PLA2R1: variants seen among roughly 807,000 people sequenced by gnomAD.
The protein encoded by PLA2R1 is secretory phospholipase A2 receptor.
PLA2R1 carries 158 observed loss-of-function variants against 195.9 expected under a neutral mutation model. The observed-to-expected ratio is 0.81, with a 90% CI of 0.71 to 0.92. The LOEUF (loss-of-function observed/expected upper bound fraction) is 0.92. Ranked by LOEUF, PLA2R1 falls within the 40% of genes least tolerant of loss-of-function variation. The probability of loss-of-function intolerance (pLI) is 0.00; values close to 1 mark genes in which losing one functional copy is unlikely to be tolerated. For synonymous variants in PLA2R1, 586 were observed against 598.2 expected, an observed-to-expected ratio of 0.98 and a Z score of 0.30; for missense variants, 1,626 against 1,764.6, an observed-to-expected ratio of 0.92 and a Z score of 1.41.
At chr2:160,047,248 T>C (rs877199) in intron 1 of PLA2R1, among the ~76,000 whole-genome samples, 1 of 152,126 alleles carries the variant, frequency 6.6e-6, no homozygotes, top group Non-Finnish European at 1.5e-5. Context: ...TGGGAATATG[T>C]ATGGTACTGA....
At chr2:159,982,767 T>A (rs904862970) in intron 13 of PLA2R1, among the ~76,000 whole-genome samples, 1 of 152,146 alleles carries the variant, frequency 6.6e-6, no homozygotes, top group Non-Finnish European at 1.5e-5. Flanking sequence ...CCTGAAAAAA[T>A]AGTACAGGAT....
At chr2:159,931,957 GACCA>G (rs1325806237), downstream of PLA2R1, 1 of 152,102 alleles carries the variant, frequency 6.6e-6, no homozygotes, top group Non-Finnish European at 1.5e-5. Context: ...TTGATTTCCT[GACCA>G]ACTAAGTCAG....
chr2:159,986,211 C>T (rs953469664), intron 12 of PLA2R1, among the ~76,000 whole-genome samples: 1 of 151,942 alleles, frequency 6.6e-6, no homozygotes, highest in Non-Finnish European at 1.5e-5. Flanking sequence ...ACTTTTTGAG[C>T]GGTGACAAGA....
intron 6 of PLA2R1, among the ~76,000 whole-genome samples, chr2:160,026,758 T>C (rs1476888827): frequency 3.3e-5 from 5 of 152,238 alleles, no homozygotes; most frequent in African/African-American, 4.8e-5. Flanking sequence ...ATTAGAATCA[T>C]GGCCAAAGAG....
intron 20 of PLA2R1, among the ~76,000 whole-genome samples, chr2:159,958,362 A>T (rs750187198): frequency 1.3e-5 from 2 of 152,116 alleles, no homozygotes; most frequent in Admixed American, 6.6e-5. Context: ...TGCCGGCACC[A>T]TGCTTCTTGT....
chr2:159,983,976 A>C lies in PLA2R1; in HGVS notation c.2135T>G (p.Ile712Ser). 1 of 1,599,816 alleles carries C rather than the reference A, an allele frequency of 6.3e-7. No homozygotes were observed. Among genetic ancestry groups the C allele is most frequent in the African/African-American group, 1.3e-5 (1 of 74,786 alleles). ...FGAHLASFAH[I>S]EEENFVNELL... ...CTCATTCACAAAATTCTCTTCCTCA[A>C]TATGGGCAAAGCTTGCAAGATGAGC... is the stretch of plus-strand genomic sequence containing the variant. Residue 712 changes from isoleucine (I) to serine (S), a missense_variant, in exon 13 of 30, where the codon ATT becomes AGT. By Grantham distance (142) the Ile-to-Ser change is moderately radical (BLOSUM62 -2). Transcript: ENST00000283243.
rs1252001850 is a variant in PLA2R1 at position 160,062,333 on chromosome 2, G to T, written c.71C>A (p.Ala24Glu). Residue 24 changes from alanine to glutamate, a missense_variant, in exon 1 of 30, where the codon GCG becomes GAG. Transcript: ENST00000283243. ...GAPRGCAEGVAAALTPERLLE... is the reference protein window; with the variant it reads ...GAPRGCAEGVEAALTPERLLE... ...GAGCCGCTCGGGGGTAAGCGCCGCCGCCACACCCTCGGCGCAGCCCCGCGG... is the reference window on the plus strand; with the variant it reads ...GAGCCGCTCGGGGGTAAGCGCCGCCTCCACACCCTCGGCGCAGCCCCGCGG... 3.3e-6 allele frequency: 5 copies of T among 1,527,806 alleles called. No individual in the cohort carries two copies. Among genetic ancestry groups the T allele is most frequent in the Non-Finnish European group, 4.4e-6 (5 of 1,137,822 alleles). The allele number at this position is 1,527,806 out of a possible 1,614,324, so 94.6% of individuals were successfully genotyped here. A position where few individuals can be genotyped will look rare whatever the true frequency, so the allele number is the denominator to read the frequency against.
chr2:160,030,782 C>T (rs1289410052), intron 4 of PLA2R1, among the ~76,000 whole-genome samples: 1 of 152,130 alleles, frequency 6.6e-6, no homozygotes, highest in Non-Finnish European at 1.5e-5. Context: ...TAAAAAATAC[C>T]TTGGTTGGAA....
At chr2:160,005,967 ACC>A in intron 10 of PLA2R1, 146 bp from the exon 11 acceptor site, 1 of 643,648 alleles carries the variant, frequency 1.6e-6, no homozygotes, top group Non-Finnish European at 2.8e-6. Flanking sequence ...ACACCCAAAG[ACC>A]CTGAACATTA....
chr2:159,925,431 C>T, the PLA2R1 span, among the ~76,000 whole-genome samples: 3 of 152,016 alleles, frequency 2.0e-5, no homozygotes, highest in African/African-American at 7.3e-5. Flanking sequence ...CTTCTGAGAA[C>T]ATTGTTTTTA....
At chr2:160,030,051 C>T (rs1573932656) in intron 4 of PLA2R1, among the ~76,000 whole-genome samples, 1 of 152,074 alleles carries the variant, frequency 6.6e-6, no homozygotes, top group Admixed American at 6.5e-5. Flanking sequence ...AATCACAGTC[C>T]CTTTTACTAT....
intron 11 of PLA2R1, among the ~76,000 whole-genome samples, chr2:159,995,927 C>T (rs1326753558): frequency 2.0e-5 from 3 of 152,008 alleles, no homozygotes; most frequent in African/African-American, 4.8e-5. Flanking sequence ...CACCCAAAGT[C>T]CCTCTTATCC....
intron 9 of PLA2R1, 61 bp from the exon 10 acceptor site, chr2:160,013,436 A>T (rs1292405241): frequency 2.1e-6 from 2 of 940,386 alleles, no homozygotes; most frequent in Non-Finnish European, 3.4e-6. Context: ...ACCAAGAGAT[A>T]TTTTTGCATA....
At chr2:160,002,268 T>C (rs1573867297) in intron 11 of PLA2R1, among the ~76,000 whole-genome samples, 1 of 151,986 alleles carries the variant, frequency 6.6e-6, no homozygotes, top group East Asian at 1.9e-4. Flanking sequence ...TATAAAACTC[T>C]ACTAAATCTT....
intron 20 of PLA2R1, among the ~76,000 whole-genome samples, chr2:159,957,248 A>G (rs904488963): frequency 3.9e-5 from 6 of 152,240 alleles, no homozygotes; most frequent in Admixed American, 2.6e-4. Flanking sequence ...AAGGTTGGCC[A>G]TCAATGTTAG....
chr2:159,964,849 A>G (rs1285070015), intron 20 of PLA2R1, among the ~76,000 whole-genome samples: 1 of 152,118 alleles, frequency 6.6e-6, no homozygotes. Flanking sequence ...TGGCATGATG[A>G]AACCCCGTTT....
chr2:159,977,216 TA>T, intron 15 of PLA2R1, 67 bp downstream of exon 15: 1 of 1,228,936 alleles, frequency 8.1e-7, no homozygotes, highest in East Asian at 2.4e-5. Context: ...TTGGGGTGTT[TA>T]AATTGGGAAA....
At position 159,993,580 on chromosome 2, in the gene PLA2R1, T is replaced by A. The variant is rs1012303255; in HGVS notation, c.1835-6222A>T. 7.3e-5 allele frequency among the ~76,000 whole-genome samples: 11 copies of A among 151,666 alleles called. 1 individual carries two copies. The highest frequency in any genetic ancestry group is 4.2e-4 in the South Asian group (2 of 4,806). Reference sequence around the variant, plus strand: ...GATGCTGAAATAATATCATTTCCCATCAGAAGAAACCAGGGTTCCTTGATG... The same window carrying A: ...GATGCTGAAATAATATCATTTCCCAACAGAAGAAACCAGGGTTCCTTGATG... On this transcript the variant is annotated intron_variant, in intron 11 of 29. Transcript: ENST00000283243.
In PLA2R1 at chr2:160,044,866, T is replaced by C. The variant is rs1436582571; in HGVS notation, c.401A>G (p.His134Arg). 1.9e-6 allele frequency: 3 copies of C among 1,614,160 alleles called. No individual in the cohort carries two copies. Among genetic ancestry groups the C allele is most frequent in the South Asian group, 2.2e-5 (2 of 91,092 alleles). ...CCGTGAGGCCACCACTGTGTTGTCA[T>C]GCGCCACCTGGACAGAGTACTGCAG... ...GPLQYSVQVA[H>R]DNTVVASRKY... The change falls in exon 2 of 30, where the codon CAT becomes CGT. Residue 134 changes from histidine to arginine, a missense_variant. By Grantham distance (29) the His-to-Arg change is conservative. Transcript: ENST00000283243.
Sources: allele counts gnomAD v4.1 joint callset (sites outside exome capture counted in the v4.1 genomes callset), GRCh38; gene constraint gnomAD v4.1.1; transcripts MANE v1.5; gene names NCBI Gene and HGNC (gene_info 2026-07-23, HGNC 2026-07-21).